Variants in FAM120A observed in about 807,000 individuals in gnomAD.
FAM120A encodes the protein family with sequence similarity 120 member A.
A neutral mutation model predicts 109.7 loss-of-function variants in FAM120A; 15 were observed. The ratio of observed to expected loss-of-function variants is 0.14; its 90% CI spans 0.09 to 0.21. The LOEUF is 0.21. Ranked by LOEUF, FAM120A falls within the 10% of genes least tolerant of loss-of-function variation. The pLI is 1.00. For missense variants in FAM120A, 899 were observed against 1,439.3 expected (o/e 0.62, Z 6.07); for synonymous variants, 493 against 572.8 (o/e 0.86, Z 1.99).
chr9:93,509,347 G>C (rs1227428432), intron 5 of FAM120A, among the ~76,000 whole-genome samples: 1 of 152,206 alleles, frequency 6.6e-6, no homozygotes, highest in Admixed American at 6.5e-5. Context: ...GGATGGCCTC[G>C]GGGGTTGGGA....
chr9:93,481,258 G>T (rs1301184419), intron 3 of FAM120A, among the ~76,000 whole-genome samples: 1 of 152,232 alleles, frequency 6.6e-6, no homozygotes, highest in Non-Finnish European at 1.5e-5. Context: ...TTTAAAAATT[G>T]TATGATTTTG....
intron 3 of FAM120A, among the ~76,000 whole-genome samples, chr9:93,481,472 G>A (rs892052181): frequency 5.3e-5 from 8 of 152,088 alleles, no homozygotes; most frequent in African/African-American, 1.7e-4. Flanking sequence ...TATTGACCTC[G>A]TATTTGGGTA....
chr9:93,542,333 G>A (rs1861732658), intron 10 of FAM120A, among the ~76,000 whole-genome samples: 1 of 152,112 alleles, frequency 6.6e-6, no homozygotes, highest in Admixed American at 6.5e-5. Flanking sequence ...TTTCCCTATT[G>A]GGTTGTTACC....
intron 7 of FAM120A, among the ~76,000 whole-genome samples, chr9:93,525,568 G>T (rs1407553887): frequency 2.0e-5 from 3 of 152,218 alleles, no homozygotes; most frequent in Non-Finnish European, 2.9e-5. Context: ...ATGTTGCCAT[G>T]TACTTCTAGG....
At chr9:93,541,674 GT>G (rs1861706352) in intron 10 of FAM120A, among the ~76,000 whole-genome samples, 1 of 152,130 alleles carries the variant, frequency 6.6e-6, no homozygotes, top group African/African-American at 2.4e-5. Flanking sequence ...AATGAGAGCA[GT>G]AACATTTTTG....
intron 3 of FAM120A, 128 bp from the exon 4 acceptor site, chr9:93,497,343 G>A (rs1228265333): frequency 8.3e-7 from 1 of 1,198,602 alleles, no homozygotes; most frequent in Non-Finnish European, 1.2e-6. Flanking sequence ...TCTTACAAGT[G>A]GACAATCATT....
chr9:93,522,797 G>A (rs148871659), intron 7 of FAM120A, among the ~76,000 whole-genome samples: 14 of 152,270 alleles, frequency 9.2e-5, no homozygotes, highest in African/African-American at 3.1e-4. Flanking sequence ...TTTTGCATAA[G>A]TCTTGTATCC....
intron 5 of FAM120A, among the ~76,000 whole-genome samples, chr9:93,508,474 C>T (rs1412050): frequency 0.28 from 42,446 of 152,096 alleles, 7,002 homozygotes; most frequent in East Asian, 0.42. Context: ...CTTCCTGCAA[C>T]GCCCAGTGAC....
At chr9:93,503,965 A>G (rs1038831402) in intron 5 of FAM120A, among the ~76,000 whole-genome samples, 3 of 152,174 alleles carry the variant, frequency 2.0e-5, no homozygotes, top group Non-Finnish European at 4.4e-5. Flanking sequence ...AGATGAATGT[A>G]TAGTGGGGAA....
At chr9:93,528,575 T>C (rs879914959) in intron 8 of FAM120A, among the ~76,000 whole-genome samples, 8 of 152,336 alleles carry the variant, frequency 5.3e-5, no homozygotes, top group Middle Eastern at 6.8e-3. Flanking sequence ...CCAGACTCTT[T>C]CCTGTGTATG....
chr9:93,477,876 T>A (rs1044304976), intron 3 of FAM120A, among the ~76,000 whole-genome samples: 2 of 152,214 alleles, frequency 1.3e-5, no homozygotes, highest in African/African-American at 4.8e-5. Flanking sequence ...TTTTCCTAAA[T>A]TTTGTTGAGA....
chr9:93,532,455 C>G lies in FAM120A; in HGVS notation c.1909+126C>G. On this transcript the variant is annotated intron_variant, in intron 10 of 17. Transcript: ENST00000277165. The surrounding 1 kb of genome is among the most constrained non-coding windows in gnomAD (Gnocchi z 4.3). Reference sequence around the variant, plus strand: ...GTGCCTCTGTGTAAAGGAGGTGGGCCCATCATCGGGGCAGTAGGCCAGGGT... The same window carrying G: ...GTGCCTCTGTGTAAAGGAGGTGGGCGCATCATCGGGGCAGTAGGCCAGGGT... 4 of 1,023,794 alleles carry G rather than the reference C, an allele frequency of 3.9e-6. No homozygotes were observed. The highest frequency in any genetic ancestry group is 6.0e-6 in the Non-Finnish European group (4 of 669,070). The allele number at this position is 1,023,794 out of a possible 1,614,324, so 63.4% of individuals were successfully genotyped here. A position where few individuals can be genotyped will look rare whatever the true frequency, so the allele number is the denominator to read the frequency against.
At position 93,557,957 on chromosome 9, in the gene FAM120A, C is replaced by A; in HGVS notation, c.2615C>A (p.Pro872His). ...CCCTTCTACCCTGCCTCTGCGTACC[C>A]CCGGCACTTTGGGCCTGTCCCACCC... ...ALPFYPASAYPRHFGPVPPSQ... is the reference protein window; with the variant it reads ...ALPFYPASAYHRHFGPVPPSQ... Residue 872 changes from proline (P) to histidine (H), a missense_variant, in exon 14 of 18, where the codon CCC becomes CAC. By Grantham distance (77) the Pro-to-His change is moderately conservative. Around this residue, in one of 11 missense-constraint regions of FAM120A, gnomAD observed 129 missense variants for 153.4 expected, o/e 0.84. Coordinates refer to ENST00000277165, the MANE Select transcript of FAM120A (RefSeq NM_014612.5). 2 of 1,605,358 alleles carry A rather than the reference C, an allele frequency of 1.2e-6. No individual in the cohort carries two copies.
rs1358219424 is a variant in FAM120A, at chr9:93,451,809, C to A, written c.-107C>A. ...CGCCCCCGACCCGCCCCAGTCCCCC[C>A]TAGAGGCCGCCGCCCCCGCCCGCCA... is the stretch of plus-strand genomic sequence containing the variant. On this transcript the variant is annotated 5_prime_UTR_variant, in exon 1 of 18. Coordinates refer to ENST00000277165, the MANE Select transcript of FAM120A (RefSeq NM_014612.5). 4 of 973,372 alleles carry A rather than the reference C, an allele frequency of 4.1e-6. No individual in the cohort carries two copies. Among genetic ancestry groups the A allele is most frequent in the African/African-American group, 1.8e-5 (1 of 56,034 alleles). The allele number at this position is 973,372 out of a possible 1,614,324, so 60.3% of individuals were successfully genotyped here. A position where few individuals can be genotyped will look rare whatever the true frequency, so the allele number is the denominator to read the frequency against.
At chr9:93,485,189 G>T (rs1170553976) in intron 3 of FAM120A, among the ~76,000 whole-genome samples, 1 of 152,078 alleles carries the variant, frequency 6.6e-6, no homozygotes, top group Non-Finnish European at 1.5e-5. Flanking sequence ...TCAACCTAGA[G>T]AATATCACCC....
chr9:93,550,726 G>A lies in FAM120A; in HGVS notation c.2274+35G>A, dbSNP rs111312106. The stretch of plus-strand genomic sequence containing the variant: ...CAGCCTCATTGCATTGTCTTGGACA[G>A]TCTCACTTTGGATTTTGGTGTAATA... On this transcript the variant is annotated intron_variant, in intron 12 of 17. Coordinates refer to ENST00000277165, the MANE Select transcript of FAM120A (RefSeq NM_014612.5). 15 of 1,540,378 alleles carry A rather than the reference G, an allele frequency of 9.7e-6. No homozygotes were observed. In the African/African-American group the frequency reaches 1.5e-4, roughly 15 times the overall value.
At chr9:93,541,493 T>C (rs753099585) in intron 10 of FAM120A, among the ~76,000 whole-genome samples, 2 of 152,242 alleles carry the variant, frequency 1.3e-5, no homozygotes, top group African/African-American at 2.4e-5. Flanking sequence ...GGAGACCTTA[T>C]TGGTTTTATA....
At chr9:93,472,110 A>G (rs1441711117) in intron 2 of FAM120A, among the ~76,000 whole-genome samples, 1 of 152,118 alleles carries the variant, frequency 6.6e-6, no homozygotes, top group East Asian at 1.9e-4. Context: ...AAATACAAAA[A>G]TTAGCCGGGC....
intron 1 of FAM120A, among the ~76,000 whole-genome samples, chr9:93,459,226 G>A (rs202113430): frequency 6.6e-6 from 1 of 152,154 alleles, no homozygotes; most frequent in Non-Finnish European, 1.5e-5. Flanking sequence ...CTGCATAACT[G>A]CATATTTACC....
Sources: allele counts gnomAD v4.1 joint callset (sites outside exome capture counted in the v4.1 genomes callset), GRCh38; gene constraint gnomAD v4.1.1; regional missense constraint gnomAD v4.1.1; non-coding constraint Gnocchi (gnomAD v3.1); transcripts MANE v1.5; gene names NCBI Gene and HGNC (gene_info 2026-07-23, HGNC 2026-07-21).